CSMD3: variants seen among roughly 807,000 people sequenced by gnomAD.
CSMD3 encodes the protein CUB and Sushi multiple domains 3.
A neutral mutation model predicts 435.2 loss-of-function variants in CSMD3; 177 were observed. The ratio of observed to expected loss-of-function variants is 0.41; its 90% CI spans 0.36 to 0.46. CSMD3 has a LOEUF of 0.46. CSMD3 is among the 20% of genes least tolerant of loss of function. The probability of loss-of-function intolerance (pLI) is 0.34; values close to 1 mark genes in which losing one functional copy is unlikely to be tolerated. For synonymous variants in CSMD3, 1,656 were observed against 1,520.5 expected (o/e 1.09, Z -2.07); for missense variants, 4,265 against 4,504.6 (o/e 0.95, Z 1.52).
At position 112,225,051 on chromosome 8, in the gene CSMD3, C is replaced by T. The variant is rs1812445493; in HGVS notation, c.10965-121G>A. 5.3e-6 allele frequency: 5 copies of T among 952,034 alleles called. No homozygotes were observed. The South Asian group carries it at 6.6e-5, about 13-fold the overall frequency. The allele number at this position is 952,034 out of a possible 1,614,324, so 59.0% of individuals were successfully genotyped here. On this transcript the variant is annotated intron_variant, in intron 70 of 70. Coordinates refer to ENST00000297405, the MANE Select transcript of CSMD3 (RefSeq NM_198123.2). ...AACTTAAAAATATTAATTGAGACAT[C>T]ATAAACACACTAAGTCAACTTGAAC... is the stretch of plus-strand genomic sequence containing the variant.
intron 47 of CSMD3, among the ~76,000 whole-genome samples, chr8:112,315,426 T>C (rs1161257719): frequency 2.0e-5 from 3 of 151,874 alleles, no homozygotes; most frequent in African/African-American, 7.2e-5. Flanking sequence ...GAATGAAGAA[T>C]ATGACTAAGT....
intron 66 of CSMD3, among the ~76,000 whole-genome samples, chr8:112,238,761 T>C (rs1394686460): frequency 6.6e-6 from 1 of 151,974 alleles, no homozygotes; most frequent in African/African-American, 2.4e-5. Context: ...AAATACTTTC[T>C]TTGCAAATAT....
At chr8:112,525,833 A>G (rs1824881492) in intron 27 of CSMD3, among the ~76,000 whole-genome samples, 1 of 137,914 alleles carries the variant, frequency 7.3e-6, no homozygotes, top group Non-Finnish European at 1.6e-5. Context: ...AAAAATATAT[A>G]TATATATATA....
intron 37 of CSMD3, among the ~76,000 whole-genome samples, chr8:112,382,145 G>A (rs1829518685): frequency 6.6e-6 from 1 of 151,780 alleles, no homozygotes; most frequent in Non-Finnish European, 1.5e-5. Context: ...ATTAATTGGG[G>A]TTGTGGTATG....
chr8:112,847,946 T>C (rs1202763857), intron 11 of CSMD3, among the ~76,000 whole-genome samples: 1 of 152,116 alleles, frequency 6.6e-6, no homozygotes, highest in East Asian at 1.9e-4. Flanking sequence ...TATTTCACAG[T>C]TTAATAATTT....
chr8:112,942,236 A>T (rs796935584), intron 9 of CSMD3, among the ~76,000 whole-genome samples: 3 of 5,770 alleles, frequency 5.2e-4, no homozygotes, highest in Non-Finnish European at 5.2e-4. Context: ...TGTTTAGTTT[A>T]AAAAAAAAAA....
chr8:112,967,493 G>GT (rs1244648432), intron 7 of CSMD3, among the ~76,000 whole-genome samples: 16 of 151,528 alleles, frequency 1.1e-4, no homozygotes, highest in East Asian at 7.8e-4. Flanking sequence ...TTAACTAGCT[G>GT]TTTTTTTTCC....
intron 24 of CSMD3, among the ~76,000 whole-genome samples, chr8:112,561,630 C>T (rs1455354705): frequency 6.6e-6 from 1 of 151,450 alleles, no homozygotes; most frequent in Admixed American, 6.6e-5. Context: ...TATTACAAAA[C>T]AAGTTAAAGA....
intron 52 of CSMD3, among the ~76,000 whole-genome samples, chr8:112,303,981 T>C (rs1218874887): frequency 6.6e-6 from 1 of 152,070 alleles, no homozygotes; most frequent in African/African-American, 2.4e-5. Context: ...AGACAATAAA[T>C]GAATGTAAGA....
intron 23 of CSMD3, among the ~76,000 whole-genome samples, chr8:112,582,300 A>C (rs1830390801): frequency 6.6e-6 from 1 of 151,992 alleles, no homozygotes; most frequent in African/African-American, 2.4e-5. Flanking sequence ...CCTCACCAGA[A>C]GTCCAGCTGA....
chr8:112,938,114 G>A (rs942708170), intron 9 of CSMD3, among the ~76,000 whole-genome samples: 6 of 152,122 alleles, frequency 3.9e-5, no homozygotes, highest in African/African-American at 1.4e-4. Flanking sequence ...TGCTGGAACT[G>A]CCTGTTGTAA....
At chr8:113,172,790 C>T (rs1378436764) in intron 4 of CSMD3, among the ~76,000 whole-genome samples, 1 of 152,082 alleles carries the variant, frequency 6.6e-6, no homozygotes, top group East Asian at 1.9e-4. Context: ...ACATCCCAGT[C>T]ATGGAGGAAT....
intron 14 of CSMD3, among the ~76,000 whole-genome samples, chr8:112,687,322 C>T (rs1218060524): frequency 6.6e-6 from 1 of 151,918 alleles, no homozygotes; most frequent in Non-Finnish European, 1.5e-5. Flanking sequence ...TTTTGTTAGA[C>T]ATTTTCATTT....
intron 4 of CSMD3, among the ~76,000 whole-genome samples, chr8:113,171,630 A>C (rs1487138747): frequency 6.6e-6 from 1 of 152,206 alleles, no homozygotes; most frequent in Admixed American, 6.5e-5. Flanking sequence ...AAAAGTTCTT[A>C]AACAGAGACA....
chr8:113,134,150 T>G (rs2091355733), intron 4 of CSMD3, among the ~76,000 whole-genome samples: 1 of 152,132 alleles, frequency 6.6e-6, no homozygotes, highest in Admixed American at 6.6e-5. Context: ...ATTAATAAAT[T>G]CATATGTGAT....
intron 10 of CSMD3, among the ~76,000 whole-genome samples, chr8:112,898,269 T>C (rs2130404779): frequency 6.6e-6 from 1 of 151,294 alleles, no homozygotes; most frequent in East Asian, 2.0e-4. Flanking sequence ...TTCTTATGCC[T>C]GAATAATTCA....
intron 20 of CSMD3, among the ~76,000 whole-genome samples, chr8:112,641,171 T>C (rs913652749): frequency 1.3e-5 from 2 of 152,164 alleles, no homozygotes; most frequent in African/African-American, 4.8e-5. Flanking sequence ...TGAGAGCTAA[T>C]GTTTTTCCTG....
Position 113,136,571 on chromosome 8 carries a change from G to T in CSMD3, c.709+37151C>A, listed in dbSNP as rs534945425. Among the ~76,000 whole-genome samples the T allele has an allele frequency of 4.0e-5, 6 of 151,770 alleles. No individual in the cohort carries two copies. In the South Asian group the frequency reaches 1.0e-3, roughly 26 times the overall value. On this transcript the variant is annotated intron_variant, in intron 4 of 70. Coordinates refer to ENST00000297405, the MANE Select transcript of CSMD3 (RefSeq NM_198123.2). The stretch of plus-strand genomic sequence containing the variant: ...GATGAAAACAAAAAAGAACATTCTA[G>T]ATTTATTAAATGATCACGGCGACAT...
At chr8:113,272,628 T>TAA (rs2093538132) in intron 3 of CSMD3, among the ~76,000 whole-genome samples, 1 of 152,188 alleles carries the variant, frequency 6.6e-6, no homozygotes. Flanking sequence ...GGAACAACTG[T>TAA]AAGTCCAATT....
Sources: allele counts gnomAD v4.1 joint callset (sites outside exome capture counted in the v4.1 genomes callset), GRCh38; gene constraint gnomAD v4.1.1; transcripts MANE v1.5; gene names NCBI Gene and HGNC (gene_info 2026-07-23, HGNC 2026-07-21).